SOX6: variants seen among roughly 807,000 people sequenced by gnomAD.
The protein encoded by SOX6 is transcription factor SOX-6.
In SOX6, 11 loss-of-function variants were observed where a neutral mutation model predicts 97.8. The observed-to-expected ratio is 0.11, with a 90% CI of 0.07 to 0.19. The LOEUF is 0.19. Among genes scored for constraint, SOX6 ranks in the 10% least tolerant of loss-of-function variants. The pLI is 1.00. For missense variants in SOX6, 810 were observed against 1,039.5 expected (o/e 0.78, Z 3.04); for synonymous variants, 360 against 371.4 (o/e 0.97, Z 0.35).
chr11:16,515,029 C>T (rs529266626), intron 4 of SOX6, among the ~76,000 whole-genome samples: 3 of 151,764 alleles, frequency 2.0e-5, no homozygotes, highest in African/African-American at 4.8e-5. Flanking sequence ...GTCTTTATAG[C>T]AGCATGATTT....
At chr11:16,102,728 C>T (rs1848980144) in intron 7 of SOX6, among the ~76,000 whole-genome samples, 1 of 151,818 alleles carries the variant, frequency 6.6e-6, no homozygotes, top group African/African-American at 2.4e-5. Context: ...AAGCCAAATA[C>T]TTCCAGCCAA....
At chr11:16,478,458 T>C (rs969655818), upstream of SOX6, among the ~76,000 whole-genome samples, 4 of 152,210 alleles carry the variant, frequency 2.6e-5, no homozygotes, top group Non-Finnish European at 5.9e-5. Context: ...ATTCCAGACA[T>C]TTAGAACAAA....
Position 15,969,829 on chromosome 11 carries a change from G to A in SOX6, c.*2980C>T, listed in dbSNP as rs1853251882. On this transcript the variant is annotated 3_prime_UTR_variant, in exon 16 of 16. Coordinates refer to ENST00000683767, the MANE Select transcript of SOX6 (RefSeq NM_001367873.1). The stretch of plus-strand genomic sequence containing the variant: ...TTCTTAATTTCCATGGATATTTAGA[G>A]CCAAACTTGGCTAATAAATAAACTG... The A allele has an allele frequency of 6.6e-6, 1 of 151,918 alleles. No homozygotes were observed. Among genetic ancestry groups the A allele is most frequent in the Non-Finnish European group, 1.5e-5 (1 of 68,028 alleles). The allele number at this position is 151,918 out of a possible 1,614,324, so 9.4% of individuals were successfully genotyped here. A position where few individuals can be genotyped will look rare whatever the true frequency, so the allele number is the denominator to read the frequency against.
intron 1 of SOX6, among the ~76,000 whole-genome samples, chr11:16,471,812 G>T (rs1860147101): frequency 1.3e-5 from 2 of 152,154 alleles, no homozygotes; most frequent in African/African-American, 4.8e-5. Context: ...AGCAAAACCT[G>T]AGATCACTGA....
intron 9 of SOX6, among the ~76,000 whole-genome samples, chr11:16,083,811 C>T (rs1224886765): frequency 6.6e-6 from 1 of 152,098 alleles, no homozygotes; most frequent in Non-Finnish European, 1.5e-5. Context: ...CTCACAACTT[C>T]CCTATGGGGG....
chr11:16,223,853 A>G (rs1239738993), intron 4 of SOX6, among the ~76,000 whole-genome samples: 1 of 152,098 alleles, frequency 6.6e-6, no homozygotes, highest in Admixed American at 6.6e-5. Flanking sequence ...CATGTTAGCT[A>G]TGTTTATTTT....
chr11:16,713,312 A>G (rs1848194776), intron 3 of SOX6, among the ~76,000 whole-genome samples: 1 of 152,214 alleles, frequency 6.6e-6, no homozygotes, highest in Non-Finnish European at 1.5e-5. Flanking sequence ...CATTGCCAAA[A>G]TCTTTTACTA....
intron 9 of SOX6, among the ~76,000 whole-genome samples, chr11:16,079,571 T>C (rs1848429547): frequency 6.6e-6 from 1 of 152,156 alleles, no homozygotes; most frequent in South Asian, 2.1e-4. Context: ...ATGTTAATAC[T>C]AAAGTAAAAT....
intron 1 of SOX6, among the ~76,000 whole-genome samples, chr11:16,396,619 C>G (rs543930186): frequency 5.4e-4 from 82 of 151,594 alleles, no homozygotes; most frequent in African/African-American, 2.0e-3. Flanking sequence ...CTAACTTCTC[C>G]TAAGTACAAC....
At chr11:16,242,288 AG>A (rs1453265171) in intron 3 of SOX6, among the ~76,000 whole-genome samples, 1 of 152,072 alleles carries the variant, frequency 6.6e-6, no homozygotes, top group East Asian at 1.9e-4. Context: ...TGTTTAGTAC[AG>A]TAACATGCTG....
intron 3 of SOX6, among the ~76,000 whole-genome samples, chr11:16,305,766 A>G (rs1416118014): frequency 6.6e-6 from 1 of 152,088 alleles, no homozygotes; most frequent in African/African-American, 2.4e-5. Flanking sequence ...TTGTATTGAC[A>G]CCCATTAATT....
At chr11:16,054,359 A>G (rs1847762286) in intron 10 of SOX6, among the ~76,000 whole-genome samples, 1 of 152,150 alleles carries the variant, frequency 6.6e-6, no homozygotes, top group Non-Finnish European at 1.5e-5. Flanking sequence ...GGGAACATAA[A>G]ATAGTCTGTT....
intron 10 of SOX6, among the ~76,000 whole-genome samples, chr11:16,050,870 T>C (rs530765037): frequency 2.0e-5 from 3 of 152,312 alleles, no homozygotes; most frequent in Admixed American, 6.5e-5. Context: ...ATCTGCATTA[T>C]TGTGTTCTAA....
At chr11:16,451,221 G>T (rs1434820198) in intron 1 of SOX6, among the ~76,000 whole-genome samples, 2 of 152,110 alleles carry the variant, frequency 1.3e-5, no homozygotes, top group East Asian at 3.9e-4. Context: ...AACAGAGCAA[G>T]ATCCTGTCTC....
chr11:16,116,765 C>T (rs1318596222), intron 6 of SOX6, among the ~76,000 whole-genome samples: 1 of 152,144 alleles, frequency 6.6e-6, no homozygotes, highest in Non-Finnish European at 1.5e-5. Context: ...AGGAGGTAAG[C>T]AGCGGGCAAG....
In SOX6 at chr11:16,738,033, A is replaced by G. The variant is rs1035475632; in HGVS notation, n.219+392T>C. Among the ~76,000 whole-genome samples, 5 of 152,296 alleles carry G rather than the reference A, an allele frequency of 3.3e-5. No individual in the cohort carries two copies. The South Asian group carries it at 1.0e-3, about 32-fold the overall frequency. ...GAGCACTCCCACCTCACACAAAGCCATATGAAAACTTAACAGATTTCCCTC... is the reference window on the plus strand; with the variant it reads ...GAGCACTCCCACCTCACACAAAGCCGTATGAAAACTTAACAGATTTCCCTC... On this transcript the variant is annotated intron_variant and non_coding_transcript_variant, in intron 1 of 5. Transcript: ENST00000524520.
At chr11:16,528,433 G>A (rs1005036323) in intron 4 of SOX6, among the ~76,000 whole-genome samples, 2 of 152,028 alleles carry the variant, frequency 1.3e-5, no homozygotes, top group African/African-American at 4.8e-5. Flanking sequence ...GGTGTGTGAA[G>A]GGAGGGCTAG....
chr11:16,443,875 C>T (rs199753543), intron 1 of SOX6, among the ~76,000 whole-genome samples: 2 of 151,722 alleles, frequency 1.3e-5, no homozygotes, highest in East Asian at 1.9e-4. Flanking sequence ...TAGCTTGGCG[C>T]GGTAGTGGGC....
At chr11:16,389,732 G>A (rs967610297) in intron 1 of SOX6, among the ~76,000 whole-genome samples, 3 of 151,888 alleles carry the variant, frequency 2.0e-5, no homozygotes, top group African/African-American at 4.8e-5. Flanking sequence ...ACTTTGGGAG[G>A]CCGAGGTGGG....
Sources: allele counts gnomAD v4.1 joint callset (sites outside exome capture counted in the v4.1 genomes callset), GRCh38; gene constraint gnomAD v4.1.1; transcripts MANE v1.5; gene names NCBI Gene and HGNC (gene_info 2026-07-23, HGNC 2026-07-21).